Variants in ZNF326 observed in about 807,000 individuals in gnomAD.
The protein encoded by ZNF326 is DBIRD complex subunit ZNF326.
A neutral mutation model predicts 63.1 loss-of-function variants in ZNF326; 30 were observed. That is an observed-to-expected ratio of 0.48 (90% CI 0.36 to 0.64). The LOEUF is 0.64. Ranked by LOEUF, ZNF326 falls within the 30% of genes least tolerant of loss-of-function variation. ZNF326 has a pLI of 0.00. For synonymous variants in ZNF326, 194 were observed against 228.2 expected, an observed-to-expected ratio of 0.85 and a Z score of 1.35; for missense variants, 609 against 720.3, an observed-to-expected ratio of 0.85 and a Z score of 1.77.
intron 1 of ZNF326, 99 bp from the exon 2 acceptor site, chr1:89,998,008 TGTC>T: frequency 1.0e-6 from 1 of 990,876 alleles, no homozygotes; most frequent in South Asian, 1.5e-5. Flanking sequence ...ATTGGGTTAA[TGTC>T]ATTTTAAAAA....
At chr1:90,023,351 GTTTAT>G (rs1649862773) in intron 11 of ZNF326, among the ~76,000 whole-genome samples, 2 of 152,120 alleles carry the variant, frequency 1.3e-5, no homozygotes, top group Non-Finnish European at 2.9e-5. Context: ...AAGAAGTTTT[GTTTAT>G]TTTGTCTATT....
At chr1:90,015,019 C>T (rs1021427419) in intron 7 of ZNF326, among the ~76,000 whole-genome samples, 5 of 152,068 alleles carry the variant, frequency 3.3e-5, no homozygotes, top group African/African-American at 9.7e-5. Context: ...ATTGAACTTT[C>T]ATTTAGCTAT....
Position 90,027,477 on chromosome 1 carries a change from G to T in ZNF326, c.1525G>T (p.Ala509Ser). ...EEEDEDEEEE[A>S]EEVGEVEEVE... Reference sequence around the variant, plus strand: ...GGAGGATGAAGATGAGGAAGAAGAAGCAGAGGAAGTGGGGGAAGTAGAGGA... The same window carrying T: ...GGAGGATGAAGATGAGGAAGAAGAATCAGAGGAAGTGGGGGAAGTAGAGGA... Residue 509 changes from alanine (A) to serine (S), a missense_variant, in exon 12 of 12, where the codon GCA becomes TCA. By Grantham distance (99) the Ala-to-Ser change is moderately conservative. Around this residue, in one of 3 missense-constraint regions of ZNF326, gnomAD observed 399 missense variants for 444.3 expected, o/e 0.90. Coordinates refer to ENST00000340281, the MANE Select transcript of ZNF326 (RefSeq NM_182976.4). 1.9e-6 allele frequency: 3 copies of T among 1,613,844 alleles called. No individual in the cohort carries two copies. Among genetic ancestry groups the T allele is most frequent in the Non-Finnish European group, 2.5e-6 (3 of 1,179,922 alleles).
intron 1 of ZNF326, among the ~76,000 whole-genome samples, chr1:89,996,622 T>C (rs917721932): frequency 6.6e-5 from 10 of 151,838 alleles, no homozygotes; most frequent in African/African-American, 2.4e-4. Context: ...ACCTGTAATC[T>C]CAGCACTTTG....
At chr1:90,010,036 A>G in intron 5 of ZNF326, 52 bp from the exon 6 acceptor site, 1 of 1,539,326 alleles carries the variant, frequency 6.5e-7, no homozygotes, top group Non-Finnish European at 8.9e-7. Flanking sequence ...ATATGAATTC[A>G]TATTTTTTCT....
Position 90,021,978 on chromosome 1 carries a change from G to A in ZNF326, c.1306-272G>A, listed in dbSNP as rs1306149986. Among the ~76,000 whole-genome samples the A allele has an allele frequency of 3.3e-5, 5 of 152,084 alleles. No individual in the cohort carries two copies. In the East Asian group the frequency reaches 9.6e-4, roughly 29 times the overall value. On this transcript the variant is annotated intron_variant, in intron 10 of 11. Coordinates refer to ENST00000340281, the MANE Select transcript of ZNF326 (RefSeq NM_182976.4). ...GTTGGGGGCTGGGGAGGCAGATGTGGAGTGGAAAGAAGAGAAGGCAGCTAT... is the reference window on the plus strand; with the variant it reads ...GTTGGGGGCTGGGGAGGCAGATGTGAAGTGGAAAGAAGAGAAGGCAGCTAT...
intron 11 of ZNF326, among the ~76,000 whole-genome samples, chr1:90,025,322 A>T (rs1649966065): frequency 6.6e-6 from 1 of 152,108 alleles, no homozygotes; most frequent in African/African-American, 2.4e-5. Flanking sequence ...TTTGAGACAG[A>T]GTCTCACTCT....
chr1:90,022,772 G>A (rs1363555161), intron 11 of ZNF326, among the ~76,000 whole-genome samples: 10 of 152,138 alleles, frequency 6.6e-5, no homozygotes, highest in Non-Finnish European at 1.5e-5. Flanking sequence ...TTTACCACAT[G>A]GCATAGAACA....
chr1:89,995,216 T>C lies in ZNF326; in HGVS notation c.-42T>C. On this transcript the variant is annotated 5_prime_UTR_variant, in exon 1 of 12. Coordinates refer to ENST00000340281, the MANE Select transcript of ZNF326 (RefSeq NM_182976.4). ...GCGGACGCTCGCCGCCGGCCATAGC[T>C]CAGCCTAGCGCCGCCAAGGCCGACG... is the stretch of plus-strand genomic sequence containing the variant. 1 of 1,536,162 alleles carries C rather than the reference T, an allele frequency of 6.5e-7. No homozygotes were observed. Among genetic ancestry groups the C allele is most frequent in the Non-Finnish European group, 8.7e-7 (1 of 1,144,340 alleles).
chr1:89,998,124 G>T lies in ZNF326; in HGVS notation c.31G>T (p.Ala11Ser). 6.2e-7 allele frequency: 1 copy of T among 1,612,762 alleles called. No homozygotes were observed. Residue 11 changes from alanine to serine, a missense_variant, in exon 2 of 12, where the codon GCC (alanine) becomes TCC (serine). Physicochemically the swap from Ala to Ser is moderately conservative, Grantham distance 99. Transcript: ENST00000340281. The part of the protein sequence containing the change: MDFEDDYTHS[A>S]CRNTYQGFNG... ...TGTCTTCATAGATTACACACACTCC[G>T]CCTGCAGGAATACTTATCAGGGCTT...
chr1:90,019,223 TAAAAG>T (rs1037940257), intron 9 of ZNF326, among the ~76,000 whole-genome samples: 10 of 152,128 alleles, frequency 6.6e-5, no homozygotes, highest in African/African-American at 2.2e-4. Context: ...ACAAAAGGAA[TAAAAG>T]AAAAGGAAAG....
chr1:90,009,130 G>A (rs370582921), intron 5 of ZNF326, among the ~76,000 whole-genome samples: 3 of 152,162 alleles, frequency 2.0e-5, no homozygotes, highest in South Asian at 2.1e-4. Context: ...AGTAAATTTC[G>A]TTTTCATAAT....
intron 2 of ZNF326, among the ~76,000 whole-genome samples, chr1:90,000,643 T>G (rs1158589692): frequency 2.6e-5 from 4 of 152,216 alleles, no homozygotes; most frequent in Non-Finnish European, 2.9e-5. Context: ...AGGTGGAGGC[T>G]GCAGTGAGCT....
intron 7 of ZNF326, 119 bp from the exon 8 acceptor site, chr1:90,017,198 T>C (rs1169987579): frequency 2.6e-6 from 2 of 762,778 alleles, no homozygotes; most frequent in African/African-American, 3.7e-5. Context: ...AATTCAGTCA[T>C]AAAGAGGAAG....
Position 90,027,341 on chromosome 1 carries a change from C to A in ZNF326, c.1402-13C>A, listed in dbSNP as rs373149480. 5.0e-6 allele frequency: 8 copies of A among 1,609,966 alleles called. No homozygotes were observed. Among genetic ancestry groups the A allele is most frequent in the Middle Eastern group, 1.7e-4 (1 of 6,058 alleles). ...AATGTGCTGATTTTGAAAGCCATTT[C>A]TTATGTTTTTAGGGTGAGAATCCTT... is the stretch of plus-strand genomic sequence containing the variant. On this transcript the variant is annotated splice_polypyrimidine_tract_variant and intron_variant, in intron 11 of 11. Transcript: ENST00000340281.
At position 89,998,151 on chromosome 1, in the gene ZNF326, A is replaced by G. The variant is rs754244582; in HGVS notation, c.58A>G (p.Asn20Asp). The change falls in exon 2 of 12, where the codon AAT (asparagine) becomes GAT (aspartate). Residue 20 changes from asparagine to aspartate, a missense_variant. By Grantham distance (23) the Asn-to-Asp change is conservative (BLOSUM62 1). Transcript: ENST00000340281. ...SACRNTYQGF[N>D]GMDRDYGPGS... is the part of the protein sequence containing the mutation. ...CTGCAGGAATACTTATCAGGGCTTT[A>G]ATGGTAAGTATCCTCTTTCAGCTTT... 1 of 1,613,126 alleles carries G rather than the reference A, an allele frequency of 6.2e-7. No homozygotes were observed. The highest frequency in any genetic ancestry group is 8.5e-7 in the Non-Finnish European group (1 of 1,179,786).
Position 90,004,993 on chromosome 1 carries a change from T to C in ZNF326, c.62-10T>C. 6.2e-7 allele frequency: 1 copy of C among 1,613,186 alleles called. No homozygotes were observed. Among genetic ancestry groups the C allele is most frequent in the Non-Finnish European group, 8.5e-7 (1 of 1,179,444 alleles). ...ATTTTACTGACAATTTCTTATTGAC[T>C]CTCTTTTAGGAATGGATCGTGATTA... On this transcript the variant is annotated splice_polypyrimidine_tract_variant and intron_variant, in intron 2 of 11. Transcript: ENST00000340281.
At chr1:90,013,263 G>T in intron 7 of ZNF326, 26 bp downstream of exon 7, 1 of 1,468,288 alleles carries the variant, frequency 6.8e-7, no homozygotes, top group South Asian at 1.4e-5. Flanking sequence ...CAGAAAATTA[G>T]GTTCATTAAA....
rs1195326257 is a variant in ZNF326, at chr1:90,033,956, A to T, written c.*6255A>T. ...AAGTGAAGAATAGGAAAAAAAAAAA[A>T]ATCTTCTGATGAAAGATTCATATTA... On this transcript the variant is annotated 3_prime_UTR_variant, in exon 12 of 12. Coordinates refer to ENST00000340281, the MANE Select transcript of ZNF326 (RefSeq NM_182976.4). The T allele has an allele frequency of 6.6e-6, 1 of 151,840 alleles. No individual in the cohort carries two copies. The highest frequency in any genetic ancestry group is 1.5e-5 in the Non-Finnish European group (1 of 67,960). 9.4% of individuals were successfully genotyped at this position (151,840 alleles called of 1,614,324 possible).
Sources: allele counts gnomAD v4.1 joint callset (sites outside exome capture counted in the v4.1 genomes callset), GRCh38; gene constraint gnomAD v4.1.1; regional missense constraint gnomAD v4.1.1; transcripts MANE v1.5; gene names NCBI Gene and HGNC (gene_info 2026-07-23, HGNC 2026-07-21).